TRIM48: variants seen among roughly 807,000 people sequenced by gnomAD.
The protein encoded by TRIM48 is tripartite motif containing 48, also known as E3 ubiquitin-protein ligase TRIM48.
TRIM48 carries 31 observed loss-of-function variants against 29.5 expected under a neutral mutation model. The observed-to-expected ratio is 1.05, with a 90% CI of 0.79 to 1.42. TRIM48 has a LOEUF of 1.42. Ranked by LOEUF, TRIM48 falls within the 40% of genes most tolerant of loss-of-function variation. TRIM48 has a pLI of 0.00. For missense variants in TRIM48, 344 were observed against 265.0 expected, an observed-to-expected ratio of 1.30 and a Z score of -2.07; for synonymous variants, 128 against 90.6, an observed-to-expected ratio of 1.41 and a Z score of -2.34.
chr11:55,269,317 G>T lies in TRIM48; in HGVS notation c.654G>T (p.Arg218Ser), dbSNP rs374540164. The T allele has an allele frequency of 6.3e-7, 1 of 1,575,524 alleles. No homozygotes were observed. Among genetic ancestry groups the T allele is most frequent in the Admixed American group, 1.7e-5 (1 of 58,474 alleles). Residue 218 changes from arginine to serine, a missense_variant, in exon 5 of 6, where the codon AGG (arginine) becomes AGT (serine). Arg to Ser is a moderately radical substitution (Grantham distance 110, BLOSUM62 -1). Coordinates refer to ENST00000417545, the MANE Select transcript of TRIM48 (RefSeq NM_024114.5). ...ALRAGPITGLRDRLNQF is the reference protein window; with the variant it reads ...ALRAGPITGLSDRLNQF ...GGGCAGGGCCCATCACTGGACTGAG[G>T]GACAGGCTCAACCAATTCTGAGGTA...
chr11:55,265,403 C>A, intron 2 of TRIM48, 89 bp downstream of exon 2: 1 of 1,553,004 alleles, frequency 6.4e-7, no homozygotes, highest in Middle Eastern at 2.3e-4. Flanking sequence ...AAAGCCAACT[C>A]TGAGTCCCTT....
At chr11:55,262,794 A>G (rs6591332) in intron 1 of TRIM48, among the ~76,000 whole-genome samples, 7,230 of 125,478 alleles carry the variant, frequency 0.058, 212 homozygotes, top group Non-Finnish European at 0.069. Flanking sequence ...GGAAATCAAA[A>G]CACAATTTTT....
At chr11:55,268,277 A>G (rs1857423140) in intron 3 of TRIM48, 73 bp from the exon 4 acceptor site, 1 of 1,324,366 alleles carries the variant, frequency 7.6e-7, no homozygotes, top group Non-Finnish European at 1.1e-6. Context: ...ACTGACTCCA[A>G]ATTTCACACT....
intron 2 of TRIM48, 73 bp downstream of exon 2, chr11:55,265,387 T>C (rs1004124860): frequency 1.9e-6 from 3 of 1,567,948 alleles, no homozygotes; most frequent in Admixed American, 1.8e-5. Flanking sequence ...TTCTTGGAGA[T>C]TGGGTAAAGC....
chr11:55,268,562 A>C (rs1857428443), intron 4 of TRIM48, among the ~76,000 whole-genome samples, 190 bp downstream of exon 4: 1 of 147,752 alleles, frequency 6.8e-6, no homozygotes, highest in African/African-American at 2.5e-5. Flanking sequence ...ATAGTGAAGT[A>C]AAATTTTAAA....
chr11:55,268,160 C>A (rs1857421668), intron 3 of TRIM48, among the ~76,000 whole-genome samples, 190 bp from the exon 4 acceptor site: 1 of 147,346 alleles, frequency 6.8e-6, no homozygotes, highest in South Asian at 2.5e-4. Flanking sequence ...CTCAGACTTT[C>A]CCGGGACATT....
intron 1 of TRIM48, among the ~76,000 whole-genome samples, chr11:55,263,589 G>T (rs1371625155): frequency 1.3e-5 from 2 of 152,134 alleles, no homozygotes; most frequent in Non-Finnish European, 2.9e-5. Flanking sequence ...TTTGACCCAG[G>T]AGGTGGAGGT....
Position 55,270,301 on chromosome 11 carries a change from A to C in TRIM48, c.*2-136A>C, listed in dbSNP as rs1218876858. ...ATCTCTATACTTTATTAGAAGTTAC[A>C]AGCAAAAGTGTCCTTGTGACTTTAC... On this transcript the variant is annotated intron_variant, in intron 5 of 5. Transcript: ENST00000417545. 5 of 665,806 alleles carry C rather than the reference A, an allele frequency of 7.5e-6. 1 individual carries two copies. The highest frequency in any genetic ancestry group is 1.2e-5 in the Non-Finnish European group (5 of 419,068). 41.2% of individuals were successfully genotyped at this position (665,806 alleles called of 1,614,324 possible).
chr11:55,262,818 A>ATG (rs1857324705), intron 1 of TRIM48, among the ~76,000 whole-genome samples: 1 of 4,580 alleles, frequency 2.2e-4, no homozygotes, highest in South Asian at 0.05. Flanking sequence ...CCAAATAAAT[A>ATG]TATGATATAA....
At position 55,266,541 on chromosome 11, in the gene TRIM48, A is replaced by G. The variant is rs183326004; in HGVS notation, c.555+846A>G. ...GTCAACATGCAAATATGTGCAATAC[A>G]TGATGTGTTCGAGTGTGGTAAGTTC... On this transcript the variant is annotated intron_variant, in intron 3 of 5. Coordinates refer to ENST00000417545, the MANE Select transcript of TRIM48 (RefSeq NM_024114.5). Among the ~76,000 whole-genome samples, 1,198 of 147,756 alleles carry G rather than the reference A, an allele frequency of 8.1e-3. 87 individuals are homozygous for G. Among genetic ancestry groups the G allele is most frequent in the African/African-American group, 0.028 (1,147 of 40,480 alleles).
chr11:55,268,770 G>GA lies in TRIM48; in HGVS notation c.578+404dup, dbSNP rs1167438104. ...AGTTAACAGTTCCGAAAAATAGATT[G>GA]AAAAAACTATGGAGTGTTAGAACTG... On this transcript the variant is annotated intron_variant, in intron 4 of 5. Transcript: ENST00000417545. 1.6e-4 allele frequency among the ~76,000 whole-genome samples: 24 copies of GA among 147,606 alleles called. 3 individuals carry two copies. Among genetic ancestry groups the GA allele is most frequent in the Admixed American group, 4.8e-4 (7 of 14,550 alleles).
rs1565078575 is a variant in TRIM48, at chr11:55,267,419, G to T, written c.556-931G>T. 18 of 1,577,266 alleles carry T rather than the reference G, an allele frequency of 1.1e-5. 1 individual carries two copies. In the African/African-American group the frequency reaches 1.9e-4, roughly 17 times the overall value. Reference sequence around the variant, plus strand: ...ATTATTACTGCCGTATTATGTGAATGTAAGGCTAGAAGCTATTAAAGCTGA... The same window carrying T: ...ATTATTACTGCCGTATTATGTGAATTTAAGGCTAGAAGCTATTAAAGCTGA... On this transcript the variant is annotated intron_variant, in intron 3 of 5. Coordinates refer to ENST00000417545, the MANE Select transcript of TRIM48 (RefSeq NM_024114.5).
rs1454028936 is a variant in TRIM48, at chr11:55,268,255, A to C, written c.556-95A>C. ...CAGAAGAGAAGAAGGTAGGGAAATA[A>C]TATCTTGAGGAACTGACTCCAAATT... On this transcript the variant is annotated intron_variant, in intron 3 of 5. Transcript: ENST00000417545. 3 of 1,117,530 alleles carry C rather than the reference A, an allele frequency of 2.7e-6. No homozygotes were observed. The African/African-American group carries it at 4.7e-5, about 17-fold the overall frequency. 69.2% of individuals were successfully genotyped at this position (1,117,530 alleles called of 1,614,324 possible).
chr11:55,264,145 C>G (rs1219852562), intron 1 of TRIM48, among the ~76,000 whole-genome samples: 1 of 122,194 alleles, frequency 8.2e-6, no homozygotes, highest in Non-Finnish European at 1.8e-5. Context: ...TTAAGTTTAA[C>G]AAAAATCCTA....
chr11:55,266,507 G>A lies in TRIM48; in HGVS notation c.555+812G>A, dbSNP rs1857394968. Among the ~76,000 whole-genome samples, 3 of 147,472 alleles carry A rather than the reference G, an allele frequency of 2.0e-5. 1 individual carries two copies. Among genetic ancestry groups the A allele is most frequent in the African/African-American group, 7.4e-5 (3 of 40,326 alleles). On this transcript the variant is annotated intron_variant, in intron 3 of 5. Transcript: ENST00000417545. The stretch of plus-strand genomic sequence containing the variant: ...AAATCGTACAATCCAAATGAGAGAG[G>A]CAAAAATGGTCAACATGCAAATATG...
At chr11:55,262,463 T>C (rs3862655) in intron 1 of TRIM48, among the ~76,000 whole-genome samples, 152 bp downstream of exon 1, 113,133 of 152,036 alleles carry the variant, frequency 0.74, 42,433 homozygotes, top group East Asian at 0.84. Context: ...TATGAGGATA[T>C]TAATTGTTGT....
At chr11:55,267,973 G>C (rs1251350008) in intron 3 of TRIM48, among the ~76,000 whole-genome samples, 1 of 147,636 alleles carries the variant, frequency 6.8e-6, no homozygotes, top group Non-Finnish European at 1.5e-5. Context: ...GTTAATTTGA[G>C]GACATGGCAA....
intron 5 of TRIM48, among the ~76,000 whole-genome samples, 175 bp from the exon 6 acceptor site, chr11:55,270,262 A>T (rs553385685): frequency 6.7e-6 from 1 of 148,240 alleles, no homozygotes; most frequent in South Asian, 2.4e-4. Flanking sequence ...TTTGTCTTGT[A>T]GATAATATTA....
chr11:55,271,098 T>C lies in TRIM48; in HGVS notation c.*663T>C, dbSNP rs35264107. The C allele has an allele frequency of 0.11, 100,278 of 946,364 alleles. 7,930 individuals carry two copies. The highest frequency in any genetic ancestry group is 0.12 in the Non-Finnish European group (80,694 of 678,828). 58.6% of individuals were successfully genotyped at this position (946,364 alleles called of 1,614,324 possible). On this transcript the variant is annotated 3_prime_UTR_variant, in exon 6 of 6. Coordinates refer to ENST00000417545, the MANE Select transcript of TRIM48 (RefSeq NM_024114.5). ...TCATTTATTGTGTTACTATTAAATG[T>C]AGTAAAAACACTAAAAGTATATATA...
Sources: gnomAD v4.1 joint callset for allele counts (sites outside exome capture counted in the v4.1 genomes callset) on GRCh38, gnomAD v4.1.1 for gene constraint, MANE v1.5 for transcripts, NCBI Gene and HGNC (gene_info 2026-07-23, HGNC 2026-07-21) for gene names.